The following CABLES2 variants were observed in gnomAD, a reference collection of about 807,000 sequenced individuals.
CABLES2 encodes Cdk5 and Abl enzyme substrate 2, also known as CDK5 and ABL1 enzyme substrate 2.
CABLES2 carries 35 observed loss-of-function variants against 44.8 expected under a neutral mutation model. The ratio of observed to expected loss-of-function variants is 0.78; its 90% CI spans 0.60 to 1.04. The LOEUF (loss-of-function observed/expected upper bound fraction) is 1.04, where lower values mean the gene tolerates loss of function less well. Ranked by LOEUF, CABLES2 falls within the 50% of genes least tolerant of loss-of-function variation. The pLI is 0.00. For missense variants in CABLES2, 566 were observed against 615.7 expected (o/e 0.92, Z 0.85); for synonymous variants, 282 against 281.1 (o/e 1.00, Z -0.03).
At chr20:62,393,945 C>T (rs575728039) in intron 5 of CABLES2, among the ~76,000 whole-genome samples, 94 of 152,198 alleles carry the variant, frequency 6.2e-4, no homozygotes, top group Non-Finnish European at 1.0e-3. Flanking sequence ...GGGGCAGTGG[C>T]GCAGACCTCA....
At position 62,389,064 on chromosome 20, in the gene CABLES2, A is replaced by G. The variant is rs896472925; in HGVS notation, c.*1907T>C. ...TCAGCCATTTCTCGCATTCATGTGT[A>G]GGAAAAACCATGGAGACGTGTCCCT... On this transcript the variant is annotated 3_prime_UTR_variant, in exon 10 of 10. Coordinates refer to ENST00000279101, the MANE Select transcript of CABLES2 (RefSeq NM_031215.3). The G allele has an allele frequency of 6.5e-6, 1 of 154,414 alleles. No homozygotes were observed. The highest frequency in any genetic ancestry group is 2.4e-5 in the African/African-American group (1 of 41,476). The allele number at this position is 154,414 out of a possible 1,614,324, so 9.6% of individuals were successfully genotyped here.
rs1213592102 is a variant in CABLES2 at position 62,390,156 on chromosome 20, C to T, written c.*815G>A. The T allele has an allele frequency of 2.6e-5, 4 of 152,458 alleles. No homozygotes were observed. The highest frequency in any genetic ancestry group is 2.6e-4 in the Admixed American group (4 of 15,276). The allele number at this position is 152,458 out of a possible 1,614,324, so 9.4% of individuals were successfully genotyped here. On this transcript the variant is annotated 3_prime_UTR_variant, in exon 10 of 10. Coordinates refer to ENST00000279101, the MANE Select transcript of CABLES2 (RefSeq NM_031215.3). Reference sequence around the variant, plus strand: ...ATAAGAGCCGGCAAGCAGCAATTGTCCTGGAGGCCCAGAGTGTCTCCTGGT... The same window carrying T: ...ATAAGAGCCGGCAAGCAGCAATTGTTCTGGAGGCCCAGAGTGTCTCCTGGT...
At chr20:62,406,839 G>A in intron 1 of CABLES2, 76 bp downstream of exon 1, 1 of 861,534 alleles carries the variant, frequency 1.2e-6, no homozygotes, top group African/African-American at 1.9e-5. Context: ...CTGACCCCTA[G>A]TCCTGGGCTG....
At chr20:62,406,388 G>A (rs190836086) in intron 1 of CABLES2, among the ~76,000 whole-genome samples, 1 of 152,086 alleles carries the variant, frequency 6.6e-6, no homozygotes. Flanking sequence ...ATGGGGGTGG[G>A]GGCATGTCCA....
Position 62,393,443 on chromosome 20 carries a change from G to A in CABLES2, c.877C>T (p.Leu293=). 1.9e-6 allele frequency: 3 copies of A among 1,603,810 alleles called. No homozygotes were observed. Among genetic ancestry groups the A allele is most frequent in the South Asian group, 1.1e-5 (1 of 89,396 alleles). ...PTKSAPASTE[L]GSDVGDTLEY... is the part of the protein sequence containing the mutation. ...GTGGTTAAGGCACGTGGGCTACCTA[G>A]TTCTGTGCTGGCTGGTGCCGACTTG... Residue 293 remains leucine, a synonymous_variant, in exon 6 of 10, where the codon CTA becomes TTA. Transcript: ENST00000279101.
At position 62,388,943 on chromosome 20, in the gene CABLES2, C is replaced by T. The variant is rs754609411; in HGVS notation, c.*2028G>A. ...AGCTTTTGGCATCATAAAAATGGGA[C>T]ATAACTGAAGGGAAGGCTTCACACA... On this transcript the variant is annotated 3_prime_UTR_variant, in exon 10 of 10. Coordinates refer to ENST00000279101, the MANE Select transcript of CABLES2 (RefSeq NM_031215.3). 5.1e-5 allele frequency: 9 copies of T among 175,888 alleles called. No individual in the cohort carries two copies. The highest frequency in any genetic ancestry group is 3.4e-4 in the Admixed American group (6 of 17,754). The allele number at this position is 175,888 out of a possible 1,614,324, so 10.9% of individuals were successfully genotyped here. A position where few individuals can be genotyped will look rare whatever the true frequency, so the allele number is the denominator to read the frequency against.
Position 62,388,938 on chromosome 20 carries a change from T to G in CABLES2, c.*2033A>C, listed in dbSNP as rs1987853607. The G allele has an allele frequency of 5.6e-6, 1 of 177,622 alleles. No individual in the cohort carries two copies. 11.0% of individuals were successfully genotyped at this position (177,622 alleles called of 1,614,324 possible). On this transcript the variant is annotated 3_prime_UTR_variant, in exon 10 of 10. Transcript: ENST00000279101. The stretch of plus-strand genomic sequence containing the variant: ...GTGGCAGCTTTTGGCATCATAAAAA[T>G]GGGACATAACTGAAGGGAAGGCTTC...
At chr20:62,405,720 G>C (rs1328589825) in intron 1 of CABLES2, 1 of 152,294 alleles carries the variant, frequency 6.6e-6, no homozygotes, top group African/African-American at 2.4e-5. Context: ...CAAGGAGCAC[G>C]TGCCAGCCTT....
chr20:62,407,151 C>T lies in CABLES2; in HGVS notation c.126G>A (p.Ser42=). The T allele has an allele frequency of 9.9e-7, 1 of 1,012,596 alleles. No individual in the cohort carries two copies. 62.7% of individuals were successfully genotyped at this position (1,012,596 alleles called of 1,614,324 possible). A position where few individuals can be genotyped will look rare whatever the true frequency, so the allele number is the denominator to read the frequency against. Residue 42 remains serine, a synonymous_variant, in exon 1 of 10, where the codon TCG becomes TCA. Coordinates refer to ENST00000279101, the MANE Select transcript of CABLES2 (RefSeq NM_031215.3). ...AGAAAAGCGCGGCCTGGCGGCGCCG[C>T]GAGTCCCCGCGCCTCCGCAGCGCCT... ...PPQALRRRGD[S]RRRQAALFFL... is the part of the protein sequence containing the mutation.
chr20:62,392,426 A>T lies in CABLES2; in HGVS notation c.1054T>A (p.Phe352Ile). The T allele has an allele frequency of 1.2e-6, 2 of 1,613,986 alleles. No individual in the cohort carries two copies. The highest frequency in any genetic ancestry group is 1.3e-5 in the African/African-American group (1 of 74,998). ...CTCAGCGTCAGTTTGACATGGGGGA[A>T]CTTCTCCCTGAAGGTCTCGTTCATG... ...KDMNETFREK[F>I]PHVKLTLSKI... The change falls in exon 8 of 10, where the codon TTC (phenylalanine) becomes ATC (isoleucine). Residue 352 changes from phenylalanine to isoleucine, a missense_variant. By Grantham distance (21) the Phe-to-Ile change is conservative. This residue lies in a region of CABLES2 where 436 missense variants were observed against 536.3 expected (regional missense o/e 0.81). Coordinates refer to ENST00000279101, the MANE Select transcript of CABLES2 (RefSeq NM_031215.3).
chr20:62,403,783 G>A (rs1988231578), intron 1 of CABLES2: 1 of 152,254 alleles, frequency 6.6e-6, no homozygotes, highest in African/African-American at 2.4e-5. Context: ...GGAAAACAAG[G>A]ATTCTAATGA....
At chr20:62,394,103 C>T (rs1055772783) in intron 5 of CABLES2, 54 bp downstream of exon 5, 2 of 1,442,464 alleles carry the variant, frequency 1.4e-6, no homozygotes, top group East Asian at 2.3e-5. Context: ...ACTGCTCCCA[C>T]CCGCCTGCCT....
chr20:62,389,271 G>A lies in CABLES2; in HGVS notation c.*1700C>T, dbSNP rs1987865479. ...TGAGTCCCCTCTGGGTGCATACTGG[G>A]TTCCAGGGGATGATCCTTGGCTTGA... On this transcript the variant is annotated 3_prime_UTR_variant, in exon 10 of 10. Coordinates refer to ENST00000279101, the MANE Select transcript of CABLES2 (RefSeq NM_031215.3). 6.6e-6 allele frequency: 1 copy of A among 152,314 alleles called. No homozygotes were observed. Among genetic ancestry groups the A allele is most frequent in the African/African-American group, 2.4e-5 (1 of 41,448 alleles). 9.4% of individuals were successfully genotyped at this position (152,314 alleles called of 1,614,324 possible).
At chr20:62,399,883 C>T (rs956086394) in intron 1 of CABLES2, among the ~76,000 whole-genome samples, 1 of 152,182 alleles carries the variant, frequency 6.6e-6, no homozygotes, top group African/African-American at 2.4e-5. Flanking sequence ...CGTGAGCCAC[C>T]ATATTGTATA....
At chr20:62,394,498 C>T (rs959685071) in intron 4 of CABLES2, among the ~76,000 whole-genome samples, 3 of 152,172 alleles carry the variant, frequency 2.0e-5, no homozygotes, top group Admixed American at 6.5e-5. Flanking sequence ...GTAGAGCCCC[C>T]GGGGTGGCGC....
At chr20:62,395,880 C>T (rs578144291) in intron 3 of CABLES2, among the ~76,000 whole-genome samples, 211 of 152,324 alleles carry the variant, frequency 1.4e-3, no homozygotes, top group Non-Finnish European at 2.4e-3. Context: ...GACACAGCCT[C>T]TCAGGGTGCA....
intron 6 of CABLES2, 150 bp from the exon 7 acceptor site, chr20:62,393,173 G>C: frequency 2.6e-6 from 2 of 758,396 alleles, no homozygotes; most frequent in Non-Finnish European, 4.3e-6. Flanking sequence ...CAGGGCTTAG[G>C]GCAAGAAAAG....
At chr20:62,398,025 G>GA (rs1988072333) in intron 1 of CABLES2, among the ~76,000 whole-genome samples, 1 of 146,180 alleles carries the variant, frequency 6.8e-6, no homozygotes, top group Non-Finnish European at 1.5e-5. Flanking sequence ...GGTGGTGGTG[G>GA]TGGTGACAGT....
chr20:62,394,540 C>A lies in CABLES2; in HGVS notation c.606-275G>T, dbSNP rs1428895122. ...TCACTAGCCCACTAGGTACATGTGC[C>A]CACGCCTGGTCAGGTTTCTCCACCA... On this transcript the variant is annotated intron_variant, in intron 4 of 9. Coordinates refer to ENST00000279101, the MANE Select transcript of CABLES2 (RefSeq NM_031215.3). 2.0e-5 allele frequency among the ~76,000 whole-genome samples: 3 copies of A among 152,304 alleles called. No homozygotes were observed. In the East Asian group the frequency reaches 5.8e-4, roughly 29 times the overall value.
Sources: gnomAD v4.1 joint callset for allele counts (sites outside exome capture counted in the v4.1 genomes callset) on GRCh38, gnomAD v4.1.1 for gene constraint, gnomAD v4.1.1 regional missense constraint, MANE v1.5 for transcripts, NCBI Gene and HGNC (gene_info 2026-07-23, HGNC 2026-07-21) for gene names.